NFILZ: variants seen among roughly 807,000 people sequenced by gnomAD.
The protein encoded by NFILZ is NFIL3 like basic leucine zipper.
chr19:8,664,322 T>G (rs2043051558), intron 3 of NFILZ, among the ~76,000 whole-genome samples: 1 of 152,218 alleles, frequency 6.6e-6, no homozygotes, highest in South Asian at 2.1e-4. Flanking sequence ...GAGCAGGGAC[T>G]GGGTCCTTGG....
chr19:8,673,886 G>A (rs2043099519), intron 3 of NFILZ, among the ~76,000 whole-genome samples: 1 of 152,150 alleles, frequency 6.6e-6, no homozygotes, highest in African/African-American at 2.4e-5. Context: ...TGTCGCCCAG[G>A]CTGGAGTGCA....
rs2967675 is a variant in NFILZ, at chr19:8,679,223, C to T, written c.*1588C>T. On this transcript the variant is annotated 3_prime_UTR_variant, in exon 6 of 6. Coordinates refer to ENST00000691075, the MANE Select transcript of NFILZ (RefSeq NM_001378600.1). ...CTTCCAGGGGCCTGGAGCCCAAGGA[C>T]TTATCAAGGCTCCCTCCTCCTCAGT... 0.19 allele frequency among the ~76,000 whole-genome samples: 28,688 copies of T among 151,694 alleles called. 2,916 individuals are homozygous for T. The highest frequency in any genetic ancestry group is 0.24 in the Admixed American group (3,616 of 15,242).
intron 3 of NFILZ, among the ~76,000 whole-genome samples, chr19:8,663,159 A>G (rs1043262268): frequency 4.0e-5 from 6 of 150,522 alleles, no homozygotes; most frequent in Middle Eastern, 3.3e-3. Flanking sequence ...GGGTCTTGCT[A>G]TGTTGCTCAG....
intron 3 of NFILZ, among the ~76,000 whole-genome samples, chr19:8,649,145 T>C (rs2042954604): frequency 2.0e-5 from 3 of 151,832 alleles, no homozygotes; most frequent in Admixed American, 2.0e-4. Context: ...GTATTTTTTT[T>C]TGGAGAGATG....
At chr19:8,671,928 G>A (rs558837551) in intron 3 of NFILZ, among the ~76,000 whole-genome samples, 3 of 152,338 alleles carry the variant, frequency 2.0e-5, no homozygotes, top group Non-Finnish European at 4.4e-5. Flanking sequence ...GCTCAGGTGA[G>A]CTGTCTGGGC....
At chr19:8,664,480 G>A (rs782455208) in intron 3 of NFILZ, among the ~76,000 whole-genome samples, 2 of 152,156 alleles carry the variant, frequency 1.3e-5, no homozygotes, top group African/African-American at 4.8e-5. Context: ...AGGAGGTGCC[G>A]GGGGAGGGGG....
intron 3 of NFILZ, among the ~76,000 whole-genome samples, chr19:8,653,012 C>A: frequency 3.4e-5 from 1 of 29,760 alleles, no homozygotes; most frequent in Admixed American, 4.9e-4. Context: ...TCCTTCCTTC[C>A]TTTCTTTCTT....
At chr19:8,636,168 G>A (rs56293019) in intron 3 of NFILZ, among the ~76,000 whole-genome samples, 139,031 of 151,664 alleles carry the variant, frequency 0.92, 63,969 homozygotes, top group Non-Finnish European at 0.95. Context: ...TTTTATTTTC[G>A]GCTGGGCGCG....
chr19:8,663,718 G>T (rs1426645876), intron 3 of NFILZ, among the ~76,000 whole-genome samples: 4 of 145,142 alleles, frequency 2.8e-5, no homozygotes, highest in African/African-American at 1.0e-4. Context: ...GTGTGTGTGT[G>T]TGTTTGTGTG....
At chr19:8,641,386 A>G (rs1350065857) in intron 3 of NFILZ, among the ~76,000 whole-genome samples, 1 of 152,062 alleles carries the variant, frequency 6.6e-6, no homozygotes, top group East Asian at 1.9e-4. Context: ...TGGACCACAT[A>G]CTTGTTTAGG....
intron 4 of NFILZ, among the ~76,000 whole-genome samples, chr19:8,675,544 G>A (rs1440420060): frequency 4.6e-5 from 7 of 152,132 alleles, no homozygotes; most frequent in Non-Finnish European, 1.0e-4. Context: ...TTCAACACTA[G>A]GCACATGGGA....
chr19:8,642,030 C>T (rs987969884), intron 3 of NFILZ, among the ~76,000 whole-genome samples: 1 of 152,012 alleles, frequency 6.6e-6, no homozygotes, highest in Non-Finnish European at 1.5e-5. Context: ...TTTGTAGAGA[C>T]AGGGTCTTGC....
At chr19:8,637,061 T>C (rs1397188962) in intron 3 of NFILZ, among the ~76,000 whole-genome samples, 2 of 152,102 alleles carry the variant, frequency 1.3e-5, no homozygotes, top group African/African-American at 2.4e-5. Context: ...AACCAAATCC[T>C]TGCCTAGTTT....
intron 3 of NFILZ, among the ~76,000 whole-genome samples, chr19:8,673,893 T>C (rs2043099568): frequency 6.6e-6 from 1 of 152,086 alleles, no homozygotes; most frequent in Non-Finnish European, 1.5e-5. Flanking sequence ...CAGGCTGGAG[T>C]GCAGTGGCGC....
chr19:8,678,132 T>C lies in NFILZ; in HGVS notation c.*497T>C, dbSNP rs1555750985. On this transcript the variant is annotated 3_prime_UTR_variant, in exon 6 of 6. Coordinates refer to ENST00000691075, the MANE Select transcript of NFILZ (RefSeq NM_001378600.1). Reference sequence around the variant, plus strand: ...ATCCATCCATCCATCCATCCCTCCATCCATTCATCCACTTGTCCGTCCATC... The same window carrying C: ...ATCCATCCATCCATCCATCCCTCCACCCATTCATCCACTTGTCCGTCCATC... 1.9e-4 allele frequency among the ~76,000 whole-genome samples: 27 copies of C among 145,862 alleles called. 2 individuals are homozygous for C. Among genetic ancestry groups the C allele is most frequent in the African/African-American group, 3.3e-4 (13 of 39,350 alleles).
chr19:8,638,067 A>AGCAAAGAT (rs2042903169), intron 3 of NFILZ, among the ~76,000 whole-genome samples: 1 of 152,134 alleles, frequency 6.6e-6, no homozygotes, highest in African/African-American at 2.4e-5. Context: ...ACCTTAATAG[A>AGCAAAGAT]GCAAAGATCA....
At chr19:8,641,921 C>A (rs1191379448) in intron 3 of NFILZ, among the ~76,000 whole-genome samples, 1 of 152,086 alleles carries the variant, frequency 6.6e-6, no homozygotes, top group African/African-American at 2.4e-5. Flanking sequence ...CTCAAACTCC[C>A]AGGCTCAAGG....
intron 3 of NFILZ, among the ~76,000 whole-genome samples, chr19:8,659,391 T>C (rs1388128293): frequency 6.6e-6 from 1 of 151,928 alleles, no homozygotes; most frequent in Non-Finnish European, 1.5e-5. Flanking sequence ...TCCCAGAGAA[T>C]ATGTGATCAG....
chr19:8,678,227 A>C lies in NFILZ; in HGVS notation c.*592A>C, dbSNP rs1255608628. Among the ~76,000 whole-genome samples, 1 of 129,432 alleles carries C rather than the reference A, an allele frequency of 7.7e-6. No individual in the cohort carries two copies. Among genetic ancestry groups the C allele is most frequent in the Non-Finnish European group, 1.7e-5 (1 of 60,240 alleles). The allele number at this position is 129,432 out of a possible 152,430, so 84.9% of individuals were successfully genotyped here. A position where few individuals can be genotyped will look rare whatever the true frequency, so the allele number is the denominator to read the frequency against. ...CATCCATCCATTCATCCATCCGTCC[A>C]TCCATTCAGCCATCCATCTGTCCAT... On this transcript the variant is annotated 3_prime_UTR_variant, in exon 6 of 6. Transcript: ENST00000691075.
Sources: allele counts gnomAD v4.1 joint callset (sites outside exome capture counted in the v4.1 genomes callset), GRCh38; gene constraint gnomAD v4.1.1; transcripts MANE v1.5; gene names NCBI Gene and HGNC (gene_info 2026-07-23, HGNC 2026-07-21).